RELN: variants seen among roughly 807,000 people sequenced by gnomAD.
RELN encodes the protein reelin.
RELN carries 108 observed loss-of-function variants against 427.6 expected under a neutral mutation model. That is an observed-to-expected ratio of 0.25 (90% CI 0.22 to 0.30). The LOEUF is 0.30. Ranked by LOEUF, RELN falls within the 10% of genes least tolerant of loss-of-function variation. The pLI is 1.00. For synonymous variants in RELN, 1,524 were observed against 1,513.4 expected, an observed-to-expected ratio of 1.01 and a Z score of -0.16; for missense variants, 3,715 against 4,302.8, an observed-to-expected ratio of 0.86 and a Z score of 3.82.
intron 2 of RELN, among the ~76,000 whole-genome samples, chr7:103,888,387 A>T (rs1794771635): frequency 1.3e-5 from 2 of 152,146 alleles, no homozygotes; most frequent in Non-Finnish European, 2.9e-5. Flanking sequence ...CTCTTCCCAC[A>T]GCTGGGGCTT....
chr7:103,712,140 A>C (rs925587012), intron 8 of RELN, among the ~76,000 whole-genome samples: 1 of 152,194 alleles, frequency 6.6e-6, no homozygotes, highest in Non-Finnish European at 1.5e-5. Context: ...TAATCTCAAG[A>C]ATACACAAGC....
In RELN at chr7:103,486,205, A is replaced by C. The variant is rs1586472688; in HGVS notation, c.9975T>G (p.Thr3325=). The C allele has an allele frequency of 1.2e-6, 2 of 1,613,400 alleles. No homozygotes were observed. Among genetic ancestry groups the C allele is most frequent in the Admixed American group, 3.3e-5 (2 of 60,018 alleles). ...RQAATKPLDL[T]RASKIMFVLQ... Reference sequence around the variant, plus strand: ...TATGGAGGTTTGGGTACCTTGCTCGAGTGAGATCCAGAGGCTTGGTAGCTG... The same window carrying C: ...TATGGAGGTTTGGGTACCTTGCTCGCGTGAGATCCAGAGGCTTGGTAGCTG... Residue 3325 remains threonine (T), a synonymous_variant, in exon 61 of 65, where the codon ACT becomes ACG. Transcript: ENST00000428762.
At chr7:103,957,731 C>A (rs973465869) in intron 1 of RELN, among the ~76,000 whole-genome samples, 2 of 152,160 alleles carry the variant, frequency 1.3e-5, no homozygotes, top group Non-Finnish European at 2.9e-5. Flanking sequence ...GGAATACTTT[C>A]ACATAAGGCT....
intron 5 of RELN, among the ~76,000 whole-genome samples, chr7:103,750,174 C>T (rs529049359): frequency 4.6e-5 from 7 of 152,226 alleles, no homozygotes; most frequent in Non-Finnish European, 7.4e-5. Flanking sequence ...GACGGGGTTC[C>T]GCCATGTTGG....
chr7:103,542,963 A>T, intron 42 of RELN, 85 bp from the exon 43 acceptor site: 1 of 1,359,634 alleles, frequency 7.4e-7, no homozygotes, highest in South Asian at 1.2e-5. Flanking sequence ...TGGTAAATGC[A>T]TTATGTAGTT....
chr7:103,920,853 C>T (rs907758437), intron 1 of RELN, among the ~76,000 whole-genome samples: 22 of 152,164 alleles, frequency 1.4e-4, no homozygotes, highest in African/African-American at 5.3e-4. Flanking sequence ...GGATTACAGG[C>T]ATGAGCCACC....
At chr7:103,664,921 C>T (rs73406740) in intron 11 of RELN, among the ~76,000 whole-genome samples, 7 of 151,886 alleles carry the variant, frequency 4.6e-5, no homozygotes, top group African/African-American at 1.2e-4. Context: ...GTTTATGTGT[C>T]GTTGGATGTA....
intron 2 of RELN, among the ~76,000 whole-genome samples, chr7:103,835,486 C>G (rs1212899273): frequency 6.6e-6 from 1 of 152,040 alleles, no homozygotes; most frequent in African/African-American, 2.4e-5. Flanking sequence ...ATTGATTGTA[C>G]CAAATGTACC....
intron 4 of RELN, among the ~76,000 whole-genome samples, chr7:103,770,936 G>A (rs1791553689): frequency 7.1e-6 from 1 of 141,348 alleles, no homozygotes. Context: ...TTTTTTTGAG[G>A]TGGAGTCTTG....
chr7:103,576,946 G>A (rs1004019615), intron 28 of RELN, among the ~76,000 whole-genome samples: 3 of 151,896 alleles, frequency 2.0e-5, no homozygotes, highest in East Asian at 1.9e-4. Flanking sequence ...GGAAACACGT[G>A]CACACACGCA....
intron 2 of RELN, among the ~76,000 whole-genome samples, chr7:103,879,808 T>C (rs1240953997): frequency 6.6e-6 from 1 of 152,206 alleles, no homozygotes; most frequent in Non-Finnish European, 1.5e-5. Context: ...TATTTTAATT[T>C]TTTAATATGT....
intron 1 of RELN, among the ~76,000 whole-genome samples, chr7:103,926,287 G>C (rs1452800247): frequency 6.6e-6 from 1 of 151,546 alleles, no homozygotes; most frequent in Non-Finnish European, 1.5e-5. Context: ...GTAGAGATGG[G>C]GTTTCACCAT....
At chr7:103,804,722 G>T (rs1237182779) in intron 3 of RELN, among the ~76,000 whole-genome samples, 2 of 152,058 alleles carry the variant, frequency 1.3e-5, no homozygotes, top group Non-Finnish European at 2.9e-5. Context: ...ATAGTAATAG[G>T]TTACTTCTTG....
intron 20 of RELN, among the ~76,000 whole-genome samples, chr7:103,614,478 C>T (rs1454886632): frequency 6.6e-6 from 1 of 152,174 alleles, no homozygotes; most frequent in African/African-American, 2.4e-5. Flanking sequence ...ATATCCTTTT[C>T]CCTGTTGCTC....
At chr7:103,521,422 A>G (rs1249109614) in intron 48 of RELN, among the ~76,000 whole-genome samples, 5 of 152,370 alleles carry the variant, frequency 3.3e-5, no homozygotes, top group African/African-American at 1.2e-4. Flanking sequence ...GCTGTCACTC[A>G]CAAGATAATA....
chr7:103,744,929 T>G (rs1790776489), intron 6 of RELN, among the ~76,000 whole-genome samples: 1 of 152,152 alleles, frequency 6.6e-6, no homozygotes, highest in Non-Finnish European at 1.5e-5. Context: ...GCCACTATCA[T>G]CCTGATTCCA....
Position 103,620,758 on chromosome 7 carries a change from G to T in RELN, c.2703-8955C>A, listed in dbSNP as rs1584351411. On this transcript the variant is annotated intron_variant, in intron 20 of 64. Coordinates refer to ENST00000428762, the MANE Select transcript of RELN (RefSeq NM_005045.4). This position sits in a 1 kb window ranked among gnomAD's most constrained non-coding sequence, Gnocchi z 4.1. ...CAAAGTGCTGGGATTACAGGTGTGA[G>T]CCACCGCGCCTGGCCTAACCTGATC... 1.3e-5 allele frequency among the ~76,000 whole-genome samples: 2 copies of T among 152,136 alleles called. No homozygotes were observed. Among genetic ancestry groups the T allele is most frequent in the South Asian group, 4.1e-4 (2 of 4,828 alleles).
At chr7:103,851,930 T>A (rs1490271566) in intron 2 of RELN, among the ~76,000 whole-genome samples, 1 of 152,190 alleles carries the variant, frequency 6.6e-6, no homozygotes, top group African/African-American at 2.4e-5. Flanking sequence ...TTTGTCTTGA[T>A]GATAACAGAG....
intron 10 of RELN, among the ~76,000 whole-genome samples, chr7:103,683,333 T>A (rs1465092132): frequency 6.6e-6 from 1 of 151,668 alleles, no homozygotes; most frequent in Admixed American, 6.6e-5. Flanking sequence ...TGTTAAATAG[T>A]TCAACAAATG....
Sources: allele counts gnomAD v4.1 joint callset (sites outside exome capture counted in the v4.1 genomes callset), GRCh38; gene constraint gnomAD v4.1.1; non-coding constraint Gnocchi (gnomAD v3.1); transcripts MANE v1.5; gene names NCBI Gene and HGNC (gene_info 2026-07-23, HGNC 2026-07-21).